Variants in RBFOX1 observed in about 807,000 individuals in gnomAD.
RBFOX1 encodes the protein RNA binding protein fox-1 homolog 1.
In RBFOX1, 8 loss-of-function variants were observed where a neutral mutation model predicts 57.7. The observed-to-expected ratio is 0.14, with a 90% CI of 0.08 to 0.25. The LOEUF (loss-of-function observed/expected upper bound fraction) is 0.25. RBFOX1 is among the 10% of genes least tolerant of loss of function. The pLI is 1.00. For missense variants in RBFOX1, 611 were observed against 548.5 expected (o/e 1.11, Z -1.14); for synonymous variants, 326 against 222.4 (o/e 1.47, Z -4.15).
chr16:5,695,213 T>C (rs1024274995), intron 3 of RBFOX1, among the ~76,000 whole-genome samples: 1 of 152,194 alleles, frequency 6.6e-6, no homozygotes, highest in African/African-American at 2.4e-5. Context: ...GTTTTTAATT[T>C]TTTACTCTAA....
intron 4 of RBFOX1, among the ~76,000 whole-genome samples, chr16:7,217,697 G>A (rs1173765054): frequency 6.6e-6 from 1 of 151,976 alleles, no homozygotes; most frequent in Admixed American, 6.6e-5. Flanking sequence ...TTTTGGTGAA[G>A]AGTCACCATT....
At chr16:6,806,046 A>G (rs1477559953) in intron 3 of RBFOX1, among the ~76,000 whole-genome samples, 2 of 152,188 alleles carry the variant, frequency 1.3e-5, no homozygotes, top group African/African-American at 4.8e-5. Flanking sequence ...TTGCAGCTCT[A>G]TAAGAAGTCA....
At chr16:6,263,490 C>T (rs1232922790) in intron 1 of RBFOX1, among the ~76,000 whole-genome samples, 1 of 152,112 alleles carries the variant, frequency 6.6e-6, no homozygotes, top group Non-Finnish European at 1.5e-5. Context: ...CTGAGCAGTG[C>T]AGCCTCCATT....
chr16:7,441,456 G>A (rs1028850374), intron 4 of RBFOX1, among the ~76,000 whole-genome samples: 1 of 152,098 alleles, frequency 6.6e-6, no homozygotes, highest in Admixed American at 6.5e-5. Context: ...GGGACTCTAG[G>A]GATTCATGGA....
At chr16:7,182,455 G>C (rs1032210922) in intron 4 of RBFOX1, among the ~76,000 whole-genome samples, 1 of 152,168 alleles carries the variant, frequency 6.6e-6, no homozygotes, top group South Asian at 2.1e-4. Context: ...AGCAGCAGCT[G>C]AATTTCTGTT....
chr16:7,142,114 C>T (rs2073950118), intron 4 of RBFOX1, among the ~76,000 whole-genome samples: 2 of 152,090 alleles, frequency 1.3e-5, no homozygotes, highest in African/African-American at 4.8e-5. Context: ...GCATCAACCT[C>T]CCAGGCTAAA....
chr16:6,979,466 T>C (rs1189301433), intron 3 of RBFOX1, among the ~76,000 whole-genome samples: 1 of 152,194 alleles, frequency 6.6e-6, no homozygotes, highest in Non-Finnish European at 1.5e-5. Flanking sequence ...ACAGCATCTG[T>C]TCTTCCCCCA....
At chr16:6,708,301 C>CAA (rs2063123481) in intron 3 of RBFOX1, among the ~76,000 whole-genome samples, 1 of 143,468 alleles carries the variant, frequency 7.0e-6, no homozygotes, top group Non-Finnish European at 1.6e-5. Flanking sequence ...CACACACACA[C>CAA]ACACTCACAC....
chr16:6,267,813 C>A (rs1033485274), intron 1 of RBFOX1, among the ~76,000 whole-genome samples: 1 of 152,002 alleles, frequency 6.6e-6, no homozygotes, highest in Admixed American at 6.6e-5. Flanking sequence ...ATAGCTGAAA[C>A]CCACAGGTTG....
At chr16:7,380,935 G>A (rs2097772954) in intron 4 of RBFOX1, among the ~76,000 whole-genome samples, 2 of 152,236 alleles carry the variant, frequency 1.3e-5, no homozygotes, top group Admixed American at 6.5e-5. Flanking sequence ...GGAAAATGGA[G>A]AGAAAGAACA....
chr16:6,404,871 G>A (rs996627146), intron 2 of RBFOX1, among the ~76,000 whole-genome samples: 3 of 152,146 alleles, frequency 2.0e-5, no homozygotes, highest in Non-Finnish European at 4.4e-5. Flanking sequence ...TTAAACCTTC[G>A]TGGATCCCCG....
chr16:5,351,141 G>T lies in RBFOX1; in HGVS notation c.219+111036G>T, dbSNP rs1198384521. ...GTCTCCCATCTGATACCCTCATTTT[G>T]CCCATGATGGGAGTCAGACTGTTGA... On this transcript the variant is annotated intron_variant, in intron 1 of 2. Coordinates refer to the RBFOX1 transcript ENST00000585867. Among the ~76,000 whole-genome samples the T allele has an allele frequency of 8.5e-5, 13 of 152,266 alleles. No homozygotes were observed. The South Asian group carries it at 1.7e-3, about 19-fold the overall frequency.
At chr16:6,666,539 C>G (rs62017894) in intron 3 of RBFOX1, among the ~76,000 whole-genome samples, 3 of 102,260 alleles carry the variant, frequency 2.9e-5, no homozygotes, top group Admixed American at 1.0e-4. Context: ...GACTCTGTCT[C>G]CAAAAAAAAA....
At chr16:5,622,852 G>A (rs371299694) in intron 3 of RBFOX1, among the ~76,000 whole-genome samples, 22 of 152,194 alleles carry the variant, frequency 1.4e-4, no homozygotes, top group Non-Finnish European at 2.6e-4. Flanking sequence ...CGATGGCTGC[G>A]TCTGAACCCA....
intron 1 of RBFOX1, among the ~76,000 whole-genome samples, chr16:6,066,171 G>A (rs1031066200): frequency 1.3e-5 from 2 of 151,854 alleles, no homozygotes; most frequent in Non-Finnish European, 2.9e-5. Flanking sequence ...GCATGTGCCT[G>A]TAGTCCCAGC....
At chr16:7,144,900 C>A (rs1600877135) in intron 4 of RBFOX1, among the ~76,000 whole-genome samples, 1 of 152,210 alleles carries the variant, frequency 6.6e-6, no homozygotes, top group East Asian at 1.9e-4. Context: ...TCCAGCAGCC[C>A]AGTGTCTCTG....
intron 2 of RBFOX1, among the ~76,000 whole-genome samples, chr16:6,606,970 A>T (rs966058730): frequency 6.6e-6 from 1 of 152,206 alleles, no homozygotes; most frequent in Non-Finnish European, 1.5e-5. Flanking sequence ...TTACATTCCC[A>T]CTAACAGTGT....
At chr16:7,053,172 G>A (rs2050694745) in intron 4 of RBFOX1, among the ~76,000 whole-genome samples, 1 of 152,174 alleles carries the variant, frequency 6.6e-6, no homozygotes, top group African/African-American at 2.4e-5. Context: ...CATCAGGTTT[G>A]TGAAGTACTT....
chr16:7,593,318 T>C (rs1256836177), intron 7 of RBFOX1, among the ~76,000 whole-genome samples: 7 of 152,196 alleles, frequency 4.6e-5, no homozygotes, highest in East Asian at 1.9e-4. Flanking sequence ...GTTTGAGATA[T>C]ACTGGCCAAG....
Sources: allele counts gnomAD v4.1 joint callset (sites outside exome capture counted in the v4.1 genomes callset), GRCh38; gene constraint gnomAD v4.1.1; transcripts MANE v1.5; gene names NCBI Gene and HGNC (gene_info 2026-07-23, HGNC 2026-07-21).